Variants in DMD observed in about 807,000 individuals in gnomAD.
The protein encoded by DMD is mutant dystrophin.
A neutral mutation model predicts 330.1 loss-of-function variants in DMD; 63 were observed. The observed-to-expected ratio is 0.19, with a 90% CI of 0.16 to 0.24. The LOEUF (loss-of-function observed/expected upper bound fraction) is 0.24, where lower values mean the gene tolerates loss of function less well. DMD is among the 10% of genes least tolerant of loss of function. DMD has a pLI of 1.00. For missense variants in DMD, 3,344 were observed against 2,684.1 expected, an observed-to-expected ratio of 1.25 and a Z score of -5.43; for synonymous variants, 1,223 against 959.8, an observed-to-expected ratio of 1.27 and a Z score of -5.07.
intron 53 of DMD, among the ~76,000 whole-genome samples, chrX:31,669,521 AT>A (rs1199226712): frequency 9.0e-6 from 1 of 111,508 alleles, no homozygotes; most frequent in Non-Finnish European, 1.9e-5. Context: ...AAATTTCATT[AT>A]TTTTCATGTG....
At chrX:33,209,541 C>T (rs866435462) in intron 1 of DMD, among the ~76,000 whole-genome samples, 12 of 111,577 alleles carry the variant, frequency 1.1e-4, no homozygotes, top group Non-Finnish European at 1.7e-4. Context: ...AACAACAAAA[C>T]GTACTTTTGT....
At chrX:33,271,936 T>A (rs1437863167) in intron 1 of DMD, among the ~76,000 whole-genome samples, 1 of 110,190 alleles carries the variant, frequency 9.1e-6, no homozygotes. Context: ...CAGGCTGGAG[T>A]GCAGTAATGC....
At chrX:32,024,443 C>T (rs1337670353) in intron 44 of DMD, among the ~76,000 whole-genome samples, 2 of 101,255 alleles carry the variant, frequency 2.0e-5, no homozygotes, top group Non-Finnish European at 4.0e-5. Flanking sequence ...GCTGAGATTG[C>T]GCCACCTCAC....
chrX:32,577,461 A>G lies in DMD; in HGVS notation c.1603-3615T>C, dbSNP rs146617571. Among the ~76,000 whole-genome samples the G allele has an allele frequency of 2.9e-3, 330 of 112,728 alleles. 7 individuals are homozygous for G. Among genetic ancestry groups the G allele is most frequent in the Admixed American group, 0.025 (262 of 10,664 alleles). On this transcript the variant is annotated intron_variant, in intron 13 of 78. Transcript: ENST00000357033. ...GGCTAAATGTCTGTCGAATAATAAT[A>G]CCAACCCGTTAAAGAATTGCAAATG... is the stretch of plus-strand genomic sequence containing the variant.
intron 60 of DMD, among the ~76,000 whole-genome samples, chrX:31,407,741 A>G (rs1311072389): frequency 1.8e-5 from 2 of 109,995 alleles, no homozygotes; most frequent in African/African-American, 6.6e-5. Flanking sequence ...CGGCCTCTCA[A>G]AGTGCTGGGA....
At chrX:31,673,695 T>C (rs1282271727) in intron 53 of DMD, among the ~76,000 whole-genome samples, 1 of 112,234 alleles carries the variant, frequency 8.9e-6, no homozygotes, top group African/African-American at 3.2e-5. Flanking sequence ...TACCACATTA[T>C]ATTTTCAAGC....
intron 17 of DMD, among the ~76,000 whole-genome samples, chrX:32,528,641 T>A (rs1393241885): frequency 9.0e-6 from 1 of 111,241 alleles, no homozygotes; most frequent in Non-Finnish European, 1.9e-5. Context: ...CTCTGACACT[T>A]ACATCAACAC....
chrX:32,196,814 T>C (rs1338482767), intron 44 of DMD, among the ~76,000 whole-genome samples: 1 of 108,228 alleles, frequency 9.2e-6, no homozygotes, highest in Non-Finnish European at 1.9e-5. Flanking sequence ...TGAAACCCCG[T>C]CTCTACTAAA....
intron 61 of DMD, among the ~76,000 whole-genome samples, chrX:31,344,221 T>C (rs1201931483): frequency 9.0e-6 from 1 of 111,613 alleles, no homozygotes; most frequent in African/African-American, 3.3e-5. Flanking sequence ...GCAATACACT[T>C]GAAAAGGCTT....
At chrX:32,756,483 A>G (rs2148336943) in intron 7 of DMD, 1 of 112,037 alleles carries the variant, frequency 8.9e-6, no homozygotes, top group East Asian at 2.8e-4. Flanking sequence ...GAACAAACAC[A>G]TCTCTTCAAA....
At chrX:32,987,985 GTA>G (rs753957415) in intron 2 of DMD, among the ~76,000 whole-genome samples, 7 of 107,874 alleles carry the variant, frequency 6.5e-5, no homozygotes, top group South Asian at 3.9e-4. Context: ...ATATATATGT[GTA>G]TATATATATA....
intron 54 of DMD, among the ~76,000 whole-genome samples, chrX:31,645,485 A>T (rs2080034400): frequency 8.9e-6 from 1 of 112,448 alleles, no homozygotes; most frequent in South Asian, 3.7e-4. Flanking sequence ...GAATAGAGTC[A>T]AAATTCACGT....
At chrX:32,751,411 T>C (rs1240848022) in intron 7 of DMD, among the ~76,000 whole-genome samples, 1 of 111,701 alleles carries the variant, frequency 9.0e-6, no homozygotes, top group Non-Finnish European at 1.9e-5. Context: ...ATTTTGCTCC[T>C]GCCCTAGAGT....
intron 11 of DMD, among the ~76,000 whole-genome samples, chrX:32,628,330 T>C (rs2058506679): frequency 1.0e-5 from 1 of 95,702 alleles, no homozygotes; most frequent in Non-Finnish European, 2.1e-5. Context: ...ATGCAAAGTT[T>C]GTTTTTCTGT....
chrX:32,618,452 G>A (rs1486239041), intron 11 of DMD, among the ~76,000 whole-genome samples: 2 of 111,536 alleles, frequency 1.8e-5, no homozygotes, highest in African/African-American at 6.5e-5. Flanking sequence ...ATAAGTGGGA[G>A]CTAAATGATG....
At chrX:31,594,196 C>T (rs1010118122) in intron 55 of DMD, among the ~76,000 whole-genome samples, 16 of 110,664 alleles carry the variant, frequency 1.4e-4, no homozygotes, top group Non-Finnish European at 5.7e-5. Context: ...GTTGTATCTC[C>T]AATCCAGTAA....
intron 44 of DMD, among the ~76,000 whole-genome samples, chrX:32,115,329 A>G (rs1294776757): frequency 9.0e-6 from 1 of 111,539 alleles, no homozygotes; most frequent in Non-Finnish European, 1.9e-5. Context: ...TTGACTTCCC[A>G]GGCTCAAGTG....
intron 13 of DMD, among the ~76,000 whole-genome samples, chrX:32,584,263 A>T (rs1477560412): frequency 1.8e-5 from 2 of 111,787 alleles, no homozygotes; most frequent in African/African-American, 6.5e-5. Context: ...GGCTCAAATT[A>T]AAAAGTTTAA....
intron 57 of DMD, 107 bp downstream of exon 57, chrX:31,496,681 A>G: frequency 7.1e-6 from 7 of 984,674 alleles, no homozygotes; most frequent in Non-Finnish European, 8.5e-6. Context: ...GAGAAGAGTA[A>G]AAAAGATTTC....
Sources: gnomAD v4.1 joint callset for allele counts (sites outside exome capture counted in the v4.1 genomes callset) on GRCh38, gnomAD v4.1.1 for gene constraint, MANE v1.5 for transcripts, NCBI Gene and HGNC (gene_info 2026-07-23, HGNC 2026-07-21) for gene names.